Variants in HAVCR1 observed in about 807,000 individuals in gnomAD.
HAVCR1 encodes hepatitis A virus cellular receptor 1.
Under a neutral mutation model 32.0 loss-of-function variants are expected in HAVCR1, and 34 were observed. That is an observed-to-expected ratio of 1.06 (90% CI 0.81 to 1.42). HAVCR1 has a LOEUF of 1.42. Among genes scored for constraint, HAVCR1 ranks in the 40% most tolerant of loss-of-function variants. The probability of loss-of-function intolerance (pLI) is 0.00; values close to 1 mark genes in which losing one functional copy is unlikely to be tolerated. For synonymous variants in HAVCR1, 178 were observed against 170.3 expected, an observed-to-expected ratio of 1.05 and a Z score of -0.35; for missense variants, 420 against 442.3, an observed-to-expected ratio of 0.95 and a Z score of 0.45.
the HAVCR1 span, among the ~76,000 whole-genome samples, chr5:157,064,897 C>T: frequency 1.3e-5 from 2 of 152,050 alleles, no homozygotes; most frequent in East Asian, 3.9e-4. Context: ...AAACAAAAAC[C>T]TGCATGACCA....
the HAVCR1 span, among the ~76,000 whole-genome samples, chr5:157,064,158 C>T: frequency 6.6e-6 from 1 of 152,084 alleles, no homozygotes; most frequent in East Asian, 1.9e-4. Flanking sequence ...TGTCAGGAGA[C>T]TATGGAAAGA....
At position 157,055,466 on chromosome 5, in the gene HAVCR1, G is replaced by C. The variant is rs1294029935; in HGVS notation, c.114C>G (p.Tyr38Ter). 14 of 1,610,126 alleles carry C rather than the reference G, an allele frequency of 8.7e-6. No individual in the cohort carries two copies. Among genetic ancestry groups the C allele is most frequent in the Non-Finnish European group, 1.2e-5 (14 of 1,176,598 alleles). ...AGCACATGGATGTGACAGCTCCACT[G>C]TAGTGGCAGGGTAGTGTGACAGATG... ...AGPSVTLPCH[Y>*]SGAVTSMCWN... The change falls in exon 3 of 9, where the codon TAC becomes TAG. Residue 38 changes from tyrosine to a stop codon, truncating the protein, a stop_gained. Transcript: ENST00000523175. LOFTEE classifies it high-confidence loss of function.
chr5:157,046,688 A>G (rs1158282114), intron 5 of HAVCR1, among the ~76,000 whole-genome samples: 1 of 152,186 alleles, frequency 6.6e-6, no homozygotes, highest in South Asian at 2.1e-4. Context: ...TGATTACTCA[A>G]TCTAGTGAGG....
rs372986227 is a variant in HAVCR1, at chr5:157,042,472, C to T, written c.837+155G>A. On this transcript the variant is annotated intron_variant, in intron 6 of 8. Transcript: ENST00000523175. ...AAAAAAAAAAAAAAATTAAAGCATC[C>T]TATTTAAGAGTGAAATTATTTTCTT... 7.9e-5 allele frequency among the ~76,000 whole-genome samples: 12 copies of T among 150,952 alleles called. No individual in the cohort carries two copies. In the East Asian group the frequency reaches 2.3e-3, roughly 29 times the overall value.
chr5:157,044,447 G>GA (rs1160177903), intron 5 of HAVCR1, among the ~76,000 whole-genome samples: 1 of 47,320 alleles, frequency 2.1e-5, no homozygotes, highest in East Asian at 4.9e-4. Context: ...AAGAAAGAAA[G>GA]AAAGAAAGAA....
At chr5:157,068,278 A>G in the HAVCR1 span, among the ~76,000 whole-genome samples, 1 of 149,618 alleles carries the variant, frequency 6.7e-6, no homozygotes, top group East Asian at 2.0e-4. Context: ...TGTCTCAAAA[A>G]GCAAAACAAA....
intron 6 of HAVCR1, among the ~76,000 whole-genome samples, chr5:157,039,364 A>G (rs1754727402): frequency 6.6e-6 from 1 of 152,178 alleles, no homozygotes; most frequent in African/African-American, 2.4e-5. Context: ...ATGCACTGCA[A>G]TGACTACATT....
chr5:157,037,193 G>A, intron 7 of HAVCR1, 54 bp downstream of exon 7: 1 of 855,610 alleles, frequency 1.2e-6, no homozygotes, highest in Non-Finnish European at 2.0e-6. Context: ...AGTGAACCCA[G>A]GCAATTTTGC....
intron 5 of HAVCR1, among the ~76,000 whole-genome samples, chr5:157,044,145 A>G (rs1755081381): frequency 6.6e-6 from 1 of 151,982 alleles, no homozygotes; most frequent in African/African-American, 2.4e-5. Flanking sequence ...CAGCCTGGCC[A>G]ATGTGGTGAA....
chr5:157,058,684 A>C (rs2113655232), intron 1 of HAVCR1, among the ~76,000 whole-genome samples: 1 of 152,344 alleles, frequency 6.6e-6, no homozygotes, highest in South Asian at 2.1e-4. Context: ...CTTGCTTTTC[A>C]GAGTAAACTG....
chr5:157,067,458 A>T, the HAVCR1 span, among the ~76,000 whole-genome samples: 1 of 152,118 alleles, frequency 6.6e-6, no homozygotes, highest in African/African-American at 2.4e-5. Context: ...ACCTTCAAAA[A>T]TCAGCAGCCC....
intron 8 of HAVCR1, among the ~76,000 whole-genome samples, chr5:157,031,324 C>T (rs1017292407): frequency 1.3e-5 from 2 of 152,128 alleles, no homozygotes; most frequent in Non-Finnish European, 1.5e-5. Context: ...AGTCTGTGTA[C>T]AAGCATCCAA....
intron 5 of HAVCR1, among the ~76,000 whole-genome samples, chr5:157,044,845 A>AG (rs79924446): frequency 0.88 from 133,912 of 152,144 alleles, 59,037 homozygotes; most frequent in East Asian, 0.99. Flanking sequence ...GACCGGAGTC[A>AG]ATAAAATTTC....
chr5:157,054,288 T>C (rs1263556996), intron 3 of HAVCR1, among the ~76,000 whole-genome samples: 1 of 149,686 alleles, frequency 6.7e-6, no homozygotes, highest in East Asian at 2.0e-4. Context: ...ACATCTGAGG[T>C]CAGGAGTTCA....
intron 2 of HAVCR1, among the ~76,000 whole-genome samples, chr5:157,056,882 A>G (rs1756188037): frequency 6.6e-6 from 1 of 152,170 alleles, no homozygotes; most frequent in Non-Finnish European, 1.5e-5. Flanking sequence ...TATCTCATAG[A>G]ATGTTTTGAA....
intron 3 of HAVCR1, among the ~76,000 whole-genome samples, chr5:157,054,785 A>G (rs1756012657): frequency 6.6e-6 from 1 of 152,232 alleles, no homozygotes; most frequent in African/African-American, 2.4e-5. Flanking sequence ...TAAATATTTC[A>G]GTAAAACAAC....
At chr5:157,045,230 A>C in intron 5 of HAVCR1, among the ~76,000 whole-genome samples, 1 of 152,176 alleles carries the variant, frequency 6.6e-6, no homozygotes, top group South Asian at 2.1e-4. Flanking sequence ...AAAATATCTT[A>C]GTATTTGAGG....
chr5:157,062,795 ATT>A (rs1201104474), upstream of HAVCR1, among the ~76,000 whole-genome samples: 6 of 152,144 alleles, frequency 3.9e-5, no homozygotes, highest in Non-Finnish European at 8.8e-5. Flanking sequence ...AGATATAAAA[ATT>A]ACAGGGTACC....
At chr5:157,030,256 G>A (rs919970401) in intron 8 of HAVCR1, among the ~76,000 whole-genome samples, 1 of 152,170 alleles carries the variant, frequency 6.6e-6, no homozygotes, top group Admixed American at 6.5e-5. Flanking sequence ...TTTAGAGAGG[G>A]TTGTTAAATC....
Sources: allele counts gnomAD v4.1 joint callset (sites outside exome capture counted in the v4.1 genomes callset), GRCh38; gene constraint gnomAD v4.1.1; transcripts MANE v1.5; gene names NCBI Gene and HGNC (gene_info 2026-07-23, HGNC 2026-07-21).